Variants in LIG1 observed in about 807,000 individuals in gnomAD.
LIG1 encodes the protein DNA ligase 1, also known as ligase I, DNA, ATP-dependent.
In LIG1, 70 loss-of-function variants were observed where a neutral mutation model predicts 115.7. The ratio of observed to expected loss-of-function variants is 0.60; its 90% CI spans 0.50 to 0.74. The LOEUF is 0.74. Among genes scored for constraint, LIG1 ranks in the 30% least tolerant of loss-of-function variants. The pLI is 0.00. For missense variants in LIG1, 1,115 were observed against 1,225.6 expected (o/e 0.91, Z 1.35); for synonymous variants, 487 against 495.3 (o/e 0.98, Z 0.22).
In LIG1 at chr19:48,150,221, A is replaced by G; in HGVS notation, c.575-11T>C. ...TCGGGGTCTCTGCTTCTGCGGTGAG[A>G]GAGCTCAGACGGTGATGCAAACTCT... On this transcript the variant is annotated splice_polypyrimidine_tract_variant and intron_variant, in intron 7 of 27. Coordinates refer to ENST00000263274, the MANE Select transcript of LIG1 (RefSeq NM_000234.3). 3 of 1,613,800 alleles carry G rather than the reference A, an allele frequency of 1.9e-6. No homozygotes were observed. The highest frequency in any genetic ancestry group is 2.5e-6 in the Non-Finnish European group (3 of 1,180,010).
chr19:48,162,405 G>A, intron 2 of LIG1, 54 bp from the exon 3 acceptor site: 2 of 1,218,576 alleles, frequency 1.6e-6, no homozygotes, highest in Non-Finnish European at 2.4e-6. Context: ...CCAATACCCT[G>A]CCTATCTATG....
intron 9 of LIG1, among the ~76,000 whole-genome samples, chr19:48,147,974 T>C (rs936299208): frequency 1.3e-5 from 2 of 152,198 alleles, no homozygotes; most frequent in Admixed American, 6.5e-5. Context: ...AAGGAGCTTA[T>C]GTCTGGTTAG....
At position 48,157,064 on chromosome 19, in the gene LIG1, T is replaced by C; in HGVS notation, c.320A>G (p.Asp107Gly). 6.2e-7 allele frequency: 1 copy of C among 1,609,494 alleles called. No homozygotes were observed. Among genetic ancestry groups the C allele is most frequent in the South Asian group, 1.1e-5 (1 of 90,994 alleles). ...TSPENNASLSDTSPMDSSPSG... is the reference protein window; with the variant it reads ...TSPENNASLSGTSPMDSSPSG... Reference sequence around the variant, plus strand: ...TGGGGAACTGTCCATGGGAGAGGTGTCAGAGAGGGAAGCATTGTTCTCAGG... The same window carrying C: ...TGGGGAACTGTCCATGGGAGAGGTGCCAGAGAGGGAAGCATTGTTCTCAGG... Residue 107 changes from aspartate to glycine, a missense_variant, in exon 5 of 28, where the codon GAC (aspartate) becomes GGC (glycine). Coordinates refer to ENST00000263274, the MANE Select transcript of LIG1 (RefSeq NM_000234.3).
In LIG1 at chr19:48,143,960, G is replaced by A. The variant is rs913257638; in HGVS notation, c.780C>T (p.Pro260=). ...CAGGATTGTAACCAGATGGATCCAG[G>A]GGTCTACGGAGGCAAAACGGAGATT... The part of the protein sequence containing the change: ...APGKEGAAEG[P]LDPSGYNPAK... Residue 260 remains proline (P), a synonymous_variant, in exon 10 of 28, where the codon CCC becomes CCT. Coordinates refer to ENST00000263274, the MANE Select transcript of LIG1 (RefSeq NM_000234.3). 3.1e-6 allele frequency: 5 copies of A among 1,613,674 alleles called. No individual in the cohort carries two copies. The East Asian group carries it at 8.9e-5, about 29-fold the overall frequency.
Position 48,150,094 on chromosome 19 carries a change from A to T in LIG1, c.691T>A (p.Phe231Ile), listed in dbSNP as rs1403185452. The change falls in exon 8 of 28, where the codon TTC (phenylalanine) becomes ATC (isoleucine). Residue 231 changes from phenylalanine to isoleucine, a missense_variant. Physicochemically the swap from Phe to Ile is conservative, Grantham distance 21. Coordinates refer to ENST00000263274, the MANE Select transcript of LIG1 (RefSeq NM_000234.3). ...GTGAGCAAGGGAAACTCACTGAAGA[A>T]GCTGCTGAGCGTCTTGGGAGCTCTG... ...PRRAPKTLSSFFTPRKPAVKK... is the reference protein window; with the variant it reads ...PRRAPKTLSSIFTPRKPAVKK... The T allele has an allele frequency of 5.6e-6, 9 of 1,614,182 alleles. No homozygotes were observed. Among genetic ancestry groups the T allele is most frequent in the Admixed American group, 1.7e-5 (1 of 60,010 alleles).
At chr19:48,155,967 G>T (rs144218890) in intron 5 of LIG1, among the ~76,000 whole-genome samples, 4 of 152,188 alleles carry the variant, frequency 2.6e-5, no homozygotes, top group African/African-American at 4.8e-5. Context: ...CACTCACCAC[G>T]CTAAAGCGCT....
At chr19:48,117,955 G>C (rs2032982653) in intron 25 of LIG1, 174 bp from the exon 26 acceptor site, 1 of 658,396 alleles carries the variant, frequency 1.5e-6, no homozygotes, top group African/African-American at 1.8e-5. Flanking sequence ...GAAGTAAACA[G>C]AAATAGAAAG....
rs1009645410 is a variant in LIG1 at position 48,123,641 on chromosome 19, G to A, written c.2005-323C>T. ...TTTTTTGTTTTTGTTTTTTTGAGAC[G>A]GAATCTCGCTCTGTCGCCCAGGCTG... On this transcript the variant is annotated intron_variant, in intron 21 of 27. Transcript: ENST00000263274. 55 of 380,776 alleles carry A rather than the reference G, an allele frequency of 1.4e-4. No homozygotes were observed. In the Admixed American group the frequency reaches 1.6e-3, roughly 11 times the overall value. 23.6% of individuals were successfully genotyped at this position (380,776 alleles called of 1,614,324 possible).
intron 25 of LIG1, 157 bp from the exon 26 acceptor site, chr19:48,117,938 C>G (rs182366242): frequency 1.3e-6 from 1 of 741,562 alleles, no homozygotes; most frequent in Non-Finnish European, 2.4e-6. Flanking sequence ...AAACAAGACA[C>G]CCCCTTGAAG....
chr19:48,162,651 T>C (rs2036251543), intron 2 of LIG1, among the ~76,000 whole-genome samples: 1 of 152,060 alleles, frequency 6.6e-6, no homozygotes, highest in African/African-American at 2.4e-5. Flanking sequence ...GCCAGGATGG[T>C]CTCGATCTCC....
At position 48,116,842 on chromosome 19, in the gene LIG1, C is replaced by A. The variant is rs553236780; in HGVS notation, c.2583+796G>T. ...GGTAAAACATTTTTAAAAATTAGAT[C>A]AAAAATGTAAGTTCTTGGCTGGGCA... On this transcript the variant is annotated intron_variant, in intron 26 of 27. Coordinates refer to ENST00000263274, the MANE Select transcript of LIG1 (RefSeq NM_000234.3). 1.6e-4 allele frequency among the ~76,000 whole-genome samples: 25 copies of A among 152,160 alleles called. No homozygotes were observed. The South Asian group carries it at 5.2e-3, about 32-fold the overall frequency.
intron 11 of LIG1, among the ~76,000 whole-genome samples, chr19:48,141,334 G>A (rs1480756751): frequency 1.3e-5 from 2 of 152,154 alleles, no homozygotes. Context: ...GTTTCAACGT[G>A]TTGGTCAGGC....
intron 27 of LIG1, 23 bp from the exon 28 acceptor site, chr19:48,115,755 G>A (rs771410362): frequency 2.5e-6 from 4 of 1,605,340 alleles, no homozygotes; most frequent in Admixed American, 1.7e-5. Context: ...GGTGGGACGG[G>A]GTGGTCAGAA....
chr19:48,156,130 T>C (rs1039980748), intron 5 of LIG1, among the ~76,000 whole-genome samples: 4 of 152,152 alleles, frequency 2.6e-5, no homozygotes, highest in African/African-American at 9.7e-5. Flanking sequence ...CTCACCTCAT[T>C]GCTCACCATC....
intron 9 of LIG1, among the ~76,000 whole-genome samples, chr19:48,148,997 T>C (rs983552498): frequency 2.6e-5 from 4 of 152,156 alleles, no homozygotes; most frequent in Non-Finnish European, 4.4e-5. Context: ...CCTGCAGGCT[T>C]CCAGCACATA....
intron 9 of LIG1, among the ~76,000 whole-genome samples, chr19:48,148,788 C>T (rs1000203076): frequency 1.3e-5 from 2 of 152,316 alleles, no homozygotes; most frequent in African/African-American, 4.8e-5. Context: ...TCAGCCCAGA[C>T]ATCTCTTCAA....
chr19:48,150,288 A>T, intron 7 of LIG1, 78 bp from the exon 8 acceptor site: 1 of 1,597,236 alleles, frequency 6.3e-7, no homozygotes, highest in Admixed American at 1.7e-5. Context: ...TACCCCCAAG[A>T]TCATTCTGAC....
chr19:48,117,037 T>C (rs1226132703), intron 26 of LIG1, among the ~76,000 whole-genome samples: 3 of 152,190 alleles, frequency 2.0e-5, no homozygotes, highest in Non-Finnish European at 4.4e-5. Context: ...TTTCACCGTG[T>C]TGGTCAGGCT....
At chr19:48,168,200 G>A (rs2036581157) in intron 1 of LIG1, among the ~76,000 whole-genome samples, 1 of 152,156 alleles carries the variant, frequency 6.6e-6, no homozygotes, top group Admixed American at 6.5e-5. Flanking sequence ...TGCAAGGGAA[G>A]GAGAAATACA....
Sources: gnomAD v4.1 joint callset for allele counts (sites outside exome capture counted in the v4.1 genomes callset) on GRCh38, gnomAD v4.1.1 for gene constraint, MANE v1.5 for transcripts, NCBI Gene and HGNC (gene_info 2026-07-23, HGNC 2026-07-21) for gene names.